PIP5K1C: variants seen among roughly 807,000 people sequenced by gnomAD.
PIP5K1C encodes the protein phosphatidylinositol-4-phosphate 5-kinase type 1 gamma.
PIP5K1C carries 45 observed loss-of-function variants against 80.1 expected under a neutral mutation model. The observed-to-expected ratio is 0.56, with a 90% CI of 0.44 to 0.72. The LOEUF is 0.72. Ranked by LOEUF, PIP5K1C falls within the 30% of genes least tolerant of loss-of-function variation. The probability of loss-of-function intolerance (pLI) is 0.00; values close to 1 mark genes in which losing one functional copy is unlikely to be tolerated. For synonymous variants in PIP5K1C, 498 were observed against 420.1 expected (o/e 1.19, Z -2.27); for missense variants, 753 against 954.6 (o/e 0.79, Z 2.78).
At chr19:3,658,864 G>A (rs972862443) in intron 5 of PIP5K1C, among the ~76,000 whole-genome samples, 6 of 152,196 alleles carry the variant, frequency 3.9e-5, no homozygotes, top group Admixed American at 2.6e-4. Context: ...GGGGAAGCAG[G>A]CCCCATGCGT....
rs188788990 is a variant in PIP5K1C, at chr19:3,637,399, G to A, written c.1920+1485C>T. ...GGGGCCAGCGTGGCTGACCTCAATT[G>A]CAGCCGTGATTTACCCAAAGCCCTT... On this transcript the variant is annotated intron_variant, in intron 16 of 17. Coordinates refer to ENST00000335312, the MANE Select transcript of PIP5K1C (RefSeq NM_012398.3). The surrounding 1 kb of genome is among the most constrained non-coding windows in gnomAD (Gnocchi z 7.0). 2 of 1,535,550 alleles carry A rather than the reference G, an allele frequency of 1.3e-6. No homozygotes were observed. Among genetic ancestry groups the A allele is most frequent in the Admixed American group, 2.0e-5 (1 of 50,996 alleles).
intron 6 of PIP5K1C, among the ~76,000 whole-genome samples, chr19:3,654,644 C>T (rs1170630406): frequency 1.3e-5 from 2 of 151,958 alleles, no homozygotes; most frequent in East Asian, 1.9e-4. Flanking sequence ...GGTGAAACCC[C>T]GTCTCTATTA....
chr19:3,651,724 G>T, intron 8 of PIP5K1C, 102 bp downstream of exon 8: 1 of 1,214,618 alleles, frequency 8.2e-7, no homozygotes. Context: ...GCATGCCCTC[G>T]CCAGCCCTCC....
intron 13 of PIP5K1C, 76 bp downstream of exon 13, chr19:3,643,167 G>A (rs2034049243): frequency 1.3e-6 from 2 of 1,595,814 alleles, no homozygotes; most frequent in East Asian, 2.2e-5. Context: ...CGGATGCCCC[G>A]CCCACATGCA....
At chr19:3,663,661 CA>C (rs1317729545) in intron 3 of PIP5K1C, among the ~76,000 whole-genome samples, 5 of 152,140 alleles carry the variant, frequency 3.3e-5, no homozygotes, top group Non-Finnish European at 5.9e-5. Context: ...CCAAAACAAA[CA>C]AAAAGACACC....
chr19:3,693,038 G>A (rs2035992160), intron 1 of PIP5K1C, among the ~76,000 whole-genome samples: 1 of 151,128 alleles, frequency 6.6e-6, no homozygotes, highest in Admixed American at 6.6e-5. Context: ...CTTCTCCGTG[G>A]CACTTGTCCA....
chr19:3,694,012 A>G (rs1013455163), intron 1 of PIP5K1C, among the ~76,000 whole-genome samples: 2 of 152,018 alleles, frequency 1.3e-5, no homozygotes, highest in Non-Finnish European at 2.9e-5. Flanking sequence ...GGAGATCAAC[A>G]CCCTCCTGGC....
intron 1 of PIP5K1C, among the ~76,000 whole-genome samples, chr19:3,689,841 TC>T (rs915927604): frequency 1.5e-4 from 23 of 149,552 alleles, no homozygotes; most frequent in East Asian, 9.8e-4. Flanking sequence ...TAACGTACAC[TC>T]CCCCCCCACA....
chr19:3,655,865 C>T (rs887710494), intron 6 of PIP5K1C, among the ~76,000 whole-genome samples: 1 of 152,222 alleles, frequency 6.6e-6, no homozygotes, highest in African/African-American at 2.4e-5. Flanking sequence ...CAGCCGCCGG[C>T]TCCTACTCCT....
chr19:3,671,208 C>A (rs909209693), intron 1 of PIP5K1C, among the ~76,000 whole-genome samples: 1 of 151,650 alleles, frequency 6.6e-6, no homozygotes, highest in Non-Finnish European at 1.5e-5. Context: ...CCTCTGGGGC[C>A]CCCCCACACC....
At chr19:3,682,130 T>C (rs899780915) in intron 1 of PIP5K1C, among the ~76,000 whole-genome samples, 12 of 151,648 alleles carry the variant, frequency 7.9e-5, no homozygotes, top group Admixed American at 2.6e-4. Context: ...ACCCAGCACT[T>C]TGGGAGGCTG....
rs1335236725 is a variant in PIP5K1C, at chr19:3,644,714, C to CT, written c.1346-464dup. On this transcript the variant is annotated intron_variant, in intron 11 of 17. Coordinates refer to ENST00000335312, the MANE Select transcript of PIP5K1C (RefSeq NM_012398.3). ...CTGAGCGCAGATCCAGGCTCACCCG[C>CT]TGGCTGTGCGGCTCGGTCTCTCTGG... is the stretch of plus-strand genomic sequence containing the variant. 2.0e-5 allele frequency among the ~76,000 whole-genome samples: 3 copies of CT among 152,344 alleles called. No individual in the cohort carries two copies. The South Asian group carries it at 6.2e-4, about 32-fold the overall frequency.
Position 3,641,517 on chromosome 19 carries a change from GC to G in PIP5K1C, c.1787+187del, listed in dbSNP as rs578046470. ...AGGCATCGCCCAGTGTCCCCTGGGGGCTAGGATCACCCCGGCTAGTCGAGAA... is the reference window on the plus strand; with the variant it reads ...AGGCATCGCCCAGTGTCCCCTGGGGGTAGGATCACCCCGGCTAGTCGAGAA... On this transcript the variant is annotated intron_variant, in intron 15 of 17. Coordinates refer to ENST00000335312, the MANE Select transcript of PIP5K1C (RefSeq NM_012398.3). Among the ~76,000 whole-genome samples the G allele has an allele frequency of 4.6e-5, 7 of 152,296 alleles. No individual in the cohort carries two copies. The East Asian group carries it at 1.4e-3, about 29-fold the overall frequency.
At chr19:3,691,184 C>T (rs181590703) in intron 1 of PIP5K1C, among the ~76,000 whole-genome samples, 31 of 152,336 alleles carry the variant, frequency 2.0e-4, no homozygotes, top group African/African-American at 7.5e-4. Context: ...TGCAATGACG[C>T]AGTGAGGGAA....
chr19:3,680,042 G>A (rs1173495336), intron 1 of PIP5K1C, among the ~76,000 whole-genome samples: 4 of 152,232 alleles, frequency 2.6e-5, no homozygotes, highest in Admixed American at 6.5e-5. Context: ...TCGGGGGGAC[G>A]TGGCAAAGGC....
chr19:3,660,830 C>T, intron 5 of PIP5K1C, 136 bp downstream of exon 5: 1 of 707,600 alleles, frequency 1.4e-6, no homozygotes, highest in South Asian at 1.4e-5. Flanking sequence ...ACAGGAGACT[C>T]CGGCCCTGAA....
Position 3,670,968 on chromosome 19 carries a change from C to T in PIP5K1C, c.95-3615G>A, listed in dbSNP as rs765586580. Among the ~76,000 whole-genome samples the T allele has an allele frequency of 8.5e-5, 13 of 152,214 alleles. No homozygotes were observed. In the East Asian group the frequency reaches 9.6e-4, roughly 11 times the overall value. ...ACAAAGGGCCTGCTCTGGGCCGCGG[C>T]GGGGCGGAAGGTGCTGGACGCTGAC... On this transcript the variant is annotated intron_variant, in intron 1 of 17. Coordinates refer to ENST00000335312, the MANE Select transcript of PIP5K1C (RefSeq NM_012398.3).
At chr19:3,653,650 C>A (rs757837141) in intron 6 of PIP5K1C, 61 bp from the exon 7 acceptor site, 186 of 1,484,152 alleles carry the variant, frequency 1.3e-4, no homozygotes, top group Non-Finnish European at 1.6e-4. Context: ...CGGGGGCGGG[C>A]AAAGCAGGCC....
In PIP5K1C at chr19:3,653,572, CG is replaced by C; in HGVS notation, c.638del (p.Pro213ArgfsTer26). On this transcript the variant is annotated frameshift_variant, in exon 7 of 18. Coordinates refer to ENST00000335312, the MANE Select transcript of PIP5K1C (RefSeq NM_012398.3). LOFTEE classifies it high-confidence loss of function. ...PGYYMNLNQN[P>X]RTLLPKFYGL... is the part of the protein sequence containing the mutation. ...CATAGAACTTGGGCAGCAGCGTCCG[CG>C]GGTTCTGGTTGAGGTTCTGCCGGGG... The C allele has an allele frequency of 6.2e-7, 1 of 1,608,314 alleles. No homozygotes were observed. Among genetic ancestry groups the C allele is most frequent in the Non-Finnish European group, 8.5e-7 (1 of 1,175,502 alleles).
Sources: allele counts gnomAD v4.1 joint callset (sites outside exome capture counted in the v4.1 genomes callset), GRCh38; gene constraint gnomAD v4.1.1; non-coding constraint Gnocchi (gnomAD v3.1); transcripts MANE v1.5; gene names NCBI Gene and HGNC (gene_info 2026-07-23, HGNC 2026-07-21).